Variants in WWOX observed in about 807,000 individuals in gnomAD.
WWOX encodes WW domain-containing oxidoreductase.
Under a neutral mutation model 46.2 loss-of-function variants are expected in WWOX, and 69 were observed. The observed-to-expected ratio is 1.49, with a 90% CI of 1.23 to 1.82. The LOEUF is 1.82. WWOX is among the 40% of genes most tolerant of loss of function. The pLI is 0.00. For missense variants in WWOX, 919 were observed against 542.6 expected (o/e 1.69, Z -6.89); for synonymous variants, 359 against 202.6 (o/e 1.77, Z -6.56).
chr16:78,577,920 G>C (rs1048840209), intron 8 of WWOX, among the ~76,000 whole-genome samples: 1 of 152,064 alleles, frequency 6.6e-6, no homozygotes. Context: ...CTTGCTATCA[G>C]TTGTACCCTT....
intron 2 of WWOX, among the ~76,000 whole-genome samples, chr16:78,109,161 A>T (rs541747375): frequency 6.6e-6 from 1 of 152,292 alleles, no homozygotes; most frequent in East Asian, 1.9e-4. Context: ...CTTCTAGGTG[A>T]TTCTGAGATA....
intron 8 of WWOX, among the ~76,000 whole-genome samples, chr16:79,188,213 T>C (rs2051058499): frequency 1.3e-5 from 2 of 152,126 alleles, no homozygotes; most frequent in Non-Finnish European, 2.9e-5. Flanking sequence ...GAGGCGGTAG[T>C]GGTGCTGCAT....
intron 8 of WWOX, among the ~76,000 whole-genome samples, chr16:78,966,746 G>C (rs1235655273): frequency 6.6e-6 from 1 of 152,162 alleles, no homozygotes; most frequent in African/African-American, 2.4e-5. Context: ...TTCATGGTCT[G>C]CTGATATCAC....
intron 8 of WWOX, among the ~76,000 whole-genome samples, chr16:78,704,229 C>T (rs1325607313): frequency 3.9e-5 from 6 of 151,926 alleles, no homozygotes; most frequent in African/African-American, 1.5e-4. Context: ...GGAAACAGTG[C>T]AACCTACCTT....
chr16:78,426,126 C>G (rs912380606), intron 7 of WWOX, among the ~76,000 whole-genome samples: 5 of 152,138 alleles, frequency 3.3e-5, no homozygotes, highest in African/African-American at 1.2e-4. Flanking sequence ...TAATAATCCT[C>G]CCCCGTGTTA....
chr16:78,137,671 T>A (rs751131313), intron 4 of WWOX, among the ~76,000 whole-genome samples: 46 of 152,194 alleles, frequency 3.0e-4, no homozygotes, highest in African/African-American at 9.2e-4. Context: ...GGTTTTAGAT[T>A]CCTGAAACAG....
intron 8 of WWOX, among the ~76,000 whole-genome samples, chr16:79,142,417 G>A (rs1177265060): frequency 7.2e-5 from 11 of 152,152 alleles, no homozygotes; most frequent in Admixed American, 7.2e-4. Context: ...CTTGATTTCA[G>A]CCATAGTGAG....
intron 8 of WWOX, among the ~76,000 whole-genome samples, chr16:79,117,882 T>C (rs1567561517): frequency 6.6e-6 from 1 of 152,198 alleles, no homozygotes; most frequent in African/African-American, 2.4e-5. Context: ...CTGGATTAGA[T>C]TTTGGCTTCA....
chr16:78,657,000 G>A (rs1432627601), intron 8 of WWOX, among the ~76,000 whole-genome samples: 1 of 152,166 alleles, frequency 6.6e-6, no homozygotes, highest in Admixed American at 6.5e-5. Context: ...TGGTGGATGA[G>A]CGTTTTGCTT....
chr16:78,509,082 G>A (rs1186416662), intron 8 of WWOX, among the ~76,000 whole-genome samples: 1 of 152,258 alleles, frequency 6.6e-6, no homozygotes, highest in African/African-American at 2.4e-5. Context: ...ACTGTTTCCA[G>A]TGTGCAGTGA....
chr16:78,857,462 C>G (rs746551526), intron 8 of WWOX, among the ~76,000 whole-genome samples: 2 of 152,102 alleles, frequency 1.3e-5, no homozygotes, highest in East Asian at 1.9e-4. Context: ...TGATGTAATT[C>G]ACAGCCTCAT....
intron 8 of WWOX, among the ~76,000 whole-genome samples, chr16:78,885,942 T>TTTTTTA (rs59076722): frequency 6.6e-6 from 1 of 150,636 alleles, no homozygotes; most frequent in African/African-American, 2.4e-5. Context: ...TTTTTTTTTT[T>TTTTTTA]GAGACAGAGT....
intron 8 of WWOX, among the ~76,000 whole-genome samples, chr16:78,677,719 T>G (rs1489783288): frequency 1.3e-5 from 2 of 152,182 alleles, no homozygotes; most frequent in Non-Finnish European, 2.9e-5. Flanking sequence ...ATAAAGCATT[T>G]GGGCACTGCC....
In WWOX at chr16:78,709,166, G is replaced by T. The variant is rs189598626; in HGVS notation, c.1056+276414G>T. Among the ~76,000 whole-genome samples, 18 of 152,322 alleles carry T rather than the reference G, an allele frequency of 1.2e-4. No homozygotes were observed. The East Asian group carries it at 2.1e-3, about 18-fold the overall frequency. On this transcript the variant is annotated intron_variant, in intron 8 of 8. Transcript: ENST00000566780. ...CATGAAAAAATAGAAATGGGAGGAAGAACTGGAGAGAGGGGTTCTGTGTGT... is the reference window on the plus strand; with the variant it reads ...CATGAAAAAATAGAAATGGGAGGAATAACTGGAGAGAGGGGTTCTGTGTGT...
At chr16:78,948,710 G>A (rs2045997579) in intron 8 of WWOX, among the ~76,000 whole-genome samples, 1 of 152,160 alleles carries the variant, frequency 6.6e-6, no homozygotes, top group South Asian at 2.1e-4. Flanking sequence ...GTGGTAGGCA[G>A]AACTTTGGCC....
chr16:78,950,037 C>A (rs964884063), intron 8 of WWOX, among the ~76,000 whole-genome samples: 9 of 152,192 alleles, frequency 5.9e-5, no homozygotes, highest in African/African-American at 1.9e-4. Flanking sequence ...GGCTGTGCAG[C>A]TCTAGGTCTA....
intron 8 of WWOX, among the ~76,000 whole-genome samples, chr16:78,886,576 T>G (rs2151221458): frequency 6.6e-6 from 1 of 151,068 alleles, no homozygotes. Flanking sequence ...AGACACTTGG[T>G]ACACATTGAT....
Position 78,548,176 on chromosome 16 carries a change from A to C in WWOX, c.1056+115424A>C, listed in dbSNP as rs1421988492. On this transcript the variant is annotated intron_variant, in intron 8 of 8. Transcript: ENST00000566780. ...TCAAAAAAAAAAAAAAAAAAAAAAA[A>C]AATTACGAATTTTGCGAGGACGCAA... is the stretch of plus-strand genomic sequence containing the variant. Among the ~76,000 whole-genome samples the C allele has an allele frequency of 3.4e-4, 32 of 94,460 alleles. 3 individuals are homozygous for C. Among genetic ancestry groups the C allele is most frequent in the African/African-American group, 8.7e-4 (29 of 33,376 alleles). The allele number at this position is 94,460 out of a possible 152,430, so 62.0% of individuals were successfully genotyped here. A position where few individuals can be genotyped will look rare whatever the true frequency, so the allele number is the denominator to read the frequency against.
intron 8 of WWOX, among the ~76,000 whole-genome samples, chr16:79,151,369 C>A (rs2050275098): frequency 6.6e-6 from 1 of 152,194 alleles, no homozygotes; most frequent in South Asian, 2.1e-4. Context: ...TCCCCCAAAT[C>A]CGTAGGCTCT....
Sources: allele counts gnomAD v4.1 joint callset (sites outside exome capture counted in the v4.1 genomes callset), GRCh38; gene constraint gnomAD v4.1.1; transcripts MANE v1.5; gene names NCBI Gene and HGNC (gene_info 2026-07-23, HGNC 2026-07-21).